BEAN1: variants seen among roughly 807,000 people sequenced by gnomAD.
BEAN1 encodes brain expressed associated with NEDD4 1, also known as protein BEAN1.
A neutral mutation model predicts 17.7 loss-of-function variants in BEAN1; 17 were observed. The observed-to-expected ratio is 0.96, with a 90% confidence interval of 0.66 to 1.44. The LOEUF (loss-of-function observed/expected upper bound fraction) is 1.44. BEAN1 is among the 40% of genes most tolerant of loss of function. BEAN1 has a pLI of 0.00. For missense variants in BEAN1, 359 were observed against 374.1 expected (o/e 0.96, Z 0.33); for synonymous variants, 142 against 151.8 (o/e 0.94, Z 0.47).
chr16:66,456,559 A>G (rs1962875466), intron 2 of BEAN1, among the ~76,000 whole-genome samples: 1 of 152,244 alleles, frequency 6.6e-6, no homozygotes, highest in Admixed American at 6.5e-5. Flanking sequence ...AGAGAAGAGA[A>G]TATGAGCAGG....
chr16:66,485,313 G>T (rs1235600073), downstream of BEAN1: 7 of 360,270 alleles, frequency 1.9e-5, no homozygotes, highest in Non-Finnish European at 3.3e-5. Context: ...ACACACTAGT[G>T]CCCTTCTCAC....
At chr16:66,488,404 G>A (rs1392044042) in intron 4 of BEAN1, among the ~76,000 whole-genome samples, 1 of 151,916 alleles carries the variant, frequency 6.6e-6, no homozygotes, top group African/African-American at 2.4e-5. Flanking sequence ...AGGGAGGCCA[G>A]GTGTGGTGGC....
Position 66,437,805 on chromosome 16 carries a change from A to G in BEAN1, c.25+104A>G, listed in dbSNP as rs542042771. The stretch of plus-strand genomic sequence containing the variant: ...TTGAGGTGTTTGGCCAAAGAACTGC[A>G]GGGGTCCAACCAGAGGCTAATGTGG... On this transcript the variant is annotated intron_variant, in intron 2 of 4. Coordinates refer to ENST00000536005, the MANE Select transcript of BEAN1 (RefSeq NM_001178020.3). 4.3e-6 allele frequency: 6 copies of G among 1,399,374 alleles called. No individual in the cohort carries two copies. In the Admixed American group the frequency reaches 1.2e-4, roughly 28 times the overall value. The allele number at this position is 1,399,374 out of a possible 1,614,324, so 86.7% of individuals were successfully genotyped here.
At chr16:66,448,074 G>A (rs1962520026) in intron 2 of BEAN1, among the ~76,000 whole-genome samples, 1 of 152,200 alleles carries the variant, frequency 6.6e-6, no homozygotes. Flanking sequence ...GGAGGCAGTG[G>A]ACAGTCAGAC....
chr16:66,469,760 G>A lies in BEAN1; in HGVS notation c.184G>A (p.Asp62Asn). Reference sequence around the variant, plus strand: ...CATCATTGTGGGCAGCATCCGCAGGGACAGGCAGGCCCGGCTTCAGCGGCA... The same window carrying A: ...CATCATTGTGGGCAGCATCCGCAGGAACAGGCAGGCCCGGCTTCAGCGGCA... The part of the protein sequence containing the change: ...ITIIVGSIRR[D>N]RQARLQRHRH... The change falls in exon 3 of 5, where the codon GAC becomes AAC. Residue 62 changes from aspartate to asparagine, a missense_variant. Asp to Asn is a conservative substitution (Grantham distance 23). Transcript: ENST00000536005. The A allele has an allele frequency of 6.5e-7, 1 of 1,536,142 alleles. No homozygotes were observed. The highest frequency in any genetic ancestry group is 1.2e-5 in the South Asian group (1 of 84,054).
chr16:66,483,098 C>T (rs968243553), downstream of BEAN1: 15 of 334,890 alleles, frequency 4.5e-5, no homozygotes, highest in African/African-American at 6.6e-5. Context: ...TGGTCTCAAG[C>T]GATCCTCTCA....
At chr16:66,459,280 C>T (rs1041963797) in intron 2 of BEAN1, among the ~76,000 whole-genome samples, 2 of 152,186 alleles carry the variant, frequency 1.3e-5, no homozygotes, top group Middle Eastern at 3.2e-3. Flanking sequence ...GACCACGCCC[C>T]TCTTTGCCCT....
intron 3 of BEAN1, chr16:66,475,973 G>A (rs1398943393): frequency 6.6e-6 from 1 of 152,136 alleles, no homozygotes; most frequent in East Asian, 1.9e-4. Flanking sequence ...AGCCGGGCGT[G>A]GTGGCGGGTG....
chr16:66,440,787 C>T (rs1179974487), intron 2 of BEAN1, among the ~76,000 whole-genome samples: 1 of 152,216 alleles, frequency 6.6e-6, no homozygotes, highest in African/African-American at 2.4e-5. Flanking sequence ...CAGCCCCTAC[C>T]CCTAACCTGA....
chr16:66,441,974 C>T (rs1307251220), intron 2 of BEAN1, among the ~76,000 whole-genome samples: 1 of 152,238 alleles, frequency 6.6e-6, no homozygotes, highest in Admixed American at 6.5e-5. Flanking sequence ...TATTAACTCC[C>T]TCCTTTCAAT....
chr16:66,448,175 G>A (rs1250928099), intron 2 of BEAN1, among the ~76,000 whole-genome samples: 1 of 152,168 alleles, frequency 6.6e-6, no homozygotes, highest in East Asian at 1.9e-4. Flanking sequence ...AGCAAGAACC[G>A]AGAATTCCTT....
chr16:66,488,518 C>CAAAAAAAAA (rs35976761), intron 4 of BEAN1, among the ~76,000 whole-genome samples: 1 of 49,242 alleles, frequency 2.0e-5, no homozygotes, highest in African/African-American at 7.2e-5. Flanking sequence ...TTATCACTAC[C>CAAAAAAAAA]AAAAAAAAAA....
chr16:66,442,307 CCT>C (rs748804981), intron 2 of BEAN1, among the ~76,000 whole-genome samples: 1 of 152,244 alleles, frequency 6.6e-6, no homozygotes, highest in Non-Finnish European at 1.5e-5. Flanking sequence ...TGCTTCACAA[CCT>C]CTTTCTGCCA....
downstream of BEAN1, chr16:66,485,162 TG>T: frequency 2.2e-6 from 1 of 451,518 alleles, no homozygotes; most frequent in South Asian, 1.6e-5. Flanking sequence ...ATTGTCACAC[TG>T]GCCAAGCCCA....
At chr16:66,429,312 G>A (rs1045824239) in intron 1 of BEAN1, among the ~76,000 whole-genome samples, 3 of 152,240 alleles carry the variant, frequency 2.0e-5, no homozygotes, top group Admixed American at 6.5e-5. Flanking sequence ...AATGGAGCCA[G>A]TGATTGAGAG....
At chr16:66,437,493 C>G in intron 1 of BEAN1, 102 bp from the exon 2 acceptor site, 3 of 682,092 alleles carry the variant, frequency 4.4e-6, no homozygotes, top group Non-Finnish European at 4.9e-6. Flanking sequence ...TGACCATCCT[C>G]TCCCGCAGAG....
intron 2 of BEAN1, among the ~76,000 whole-genome samples, chr16:66,463,037 A>T (rs963119598): frequency 2.0e-5 from 3 of 152,212 alleles, no homozygotes; most frequent in African/African-American, 7.2e-5. Context: ...GGAAAGCTCT[A>T]AAGGATGAGA....
chr16:66,456,942 G>T (rs781292841), intron 2 of BEAN1, among the ~76,000 whole-genome samples: 10 of 152,190 alleles, frequency 6.6e-5, no homozygotes, highest in Non-Finnish European at 1.3e-4. Context: ...TTTGTGGGTG[G>T]TCACTTGTAT....
chr16:66,480,782 C>T lies in BEAN1; in HGVS notation c.637C>T (p.Leu213Phe), dbSNP rs746772889. ...GGLHTVSMDT[L>F]PPYEAVCGAG... ...CCTTCACACGGTCTCCATGGACACCCTTCCCCCCTACGAGGCTGTGTGCGG... is the reference window on the plus strand; with the variant it reads ...CCTTCACACGGTCTCCATGGACACCTTTCCCCCCTACGAGGCTGTGTGCGG... The change falls in exon 5 of 5, where the codon CTT (leucine) becomes TTT (phenylalanine). Residue 213 changes from leucine (L) to phenylalanine (F), a missense_variant. By Grantham distance (22) the Leu-to-Phe change is conservative. Coordinates refer to ENST00000536005, the MANE Select transcript of BEAN1 (RefSeq NM_001178020.3). 6.4e-7 allele frequency: 1 copy of T among 1,550,654 alleles called. No individual in the cohort carries two copies. The highest frequency in any genetic ancestry group is 1.2e-5 in the South Asian group (1 of 83,942).
Sources: gnomAD v4.1 joint callset for allele counts (sites outside exome capture counted in the v4.1 genomes callset) on GRCh38, gnomAD v4.1.1 for gene constraint, MANE v1.5 for transcripts, NCBI Gene and HGNC (gene_info 2026-07-23, HGNC 2026-07-21) for gene names.